FAM168A: variants seen among roughly 807,000 people sequenced by gnomAD.
The protein encoded by FAM168A is protein FAM168A.
FAM168A carries 3 observed loss-of-function variants against 28.5 expected under a neutral mutation model. The ratio of observed to expected loss-of-function variants is 0.11; its 90% CI spans 0.05 to 0.27. FAM168A has a LOEUF of 0.27. FAM168A is among the 10% of genes least tolerant of loss of function. The probability of loss-of-function intolerance (pLI) is 1.00; values close to 1 mark genes in which losing one functional copy is unlikely to be tolerated. For missense variants in FAM168A, 222 were observed against 311.5 expected, an observed-to-expected ratio of 0.71 and a Z score of 2.16; for synonymous variants, 122 against 124.2, an observed-to-expected ratio of 0.98 and a Z score of 0.12.
chr11:73,415,301 A>G (rs1327540982), intron 4 of FAM168A, among the ~76,000 whole-genome samples: 2 of 152,204 alleles, frequency 1.3e-5, no homozygotes, highest in Admixed American at 6.5e-5. Context: ...ATTAAGACCA[A>G]CGTAAACATT....
chr11:73,596,249 A>C (rs576445441), intron 1 of FAM168A, among the ~76,000 whole-genome samples: 3 of 152,344 alleles, frequency 2.0e-5, no homozygotes, highest in African/African-American at 7.2e-5. Flanking sequence ...AAATCTATTT[A>C]AATTTCAAAA....
chr11:73,449,149 T>C (rs1391955115), intron 2 of FAM168A, among the ~76,000 whole-genome samples: 2 of 152,164 alleles, frequency 1.3e-5, no homozygotes, highest in East Asian at 3.9e-4. Context: ...AAATTTTTTT[T>C]TGGAGAGCCA....
chr11:73,476,667 T>G (rs1299780693), intron 1 of FAM168A, among the ~76,000 whole-genome samples: 1 of 152,018 alleles, frequency 6.6e-6, no homozygotes, highest in African/African-American at 2.4e-5. Flanking sequence ...TCAAAGCAGC[T>G]ATTACAAATG....
At position 73,587,756 on chromosome 11, in the gene FAM168A, A is replaced by AT. The variant is rs965437094; in HGVS notation, c.-19+10166dup. On this transcript the variant is annotated intron_variant, in intron 1 of 7. Coordinates refer to ENST00000356467, the MANE Select transcript of FAM168A (RefSeq NM_015159.3). ...GAAAAATGGAATGTACATTTAAAGC[A>AT]TTTTTTTTTTTGAGATGGAGTCTAG... Among the ~76,000 whole-genome samples, 129 of 148,094 alleles carry AT rather than the reference A, an allele frequency of 8.7e-4. 1 individual carries two copies. The highest frequency in any genetic ancestry group is 2.0e-3 in the African/African-American group (80 of 40,614).
intron 1 of FAM168A, among the ~76,000 whole-genome samples, chr11:73,517,660 A>G (rs945891632): frequency 6.6e-6 from 1 of 152,168 alleles, no homozygotes; most frequent in Non-Finnish European, 1.5e-5. Context: ...AGGGAAAAAC[A>G]ATAACTCAGA....
chr11:73,528,648 C>A lies in FAM168A; in HGVS notation c.-18-60156G>T, dbSNP rs75931426. ...TTGCACTTAGGACTCGCCCTGAATTCTTTCTTGCGTGAGATCCAAGAACCG... is the reference window on the plus strand; with the variant it reads ...TTGCACTTAGGACTCGCCCTGAATTATTTCTTGCGTGAGATCCAAGAACCG... On this transcript the variant is annotated intron_variant, in intron 1 of 7. Coordinates refer to ENST00000356467, the MANE Select transcript of FAM168A (RefSeq NM_015159.3). Among the ~76,000 whole-genome samples, 1,294 of 152,238 alleles carry A rather than the reference C, an allele frequency of 8.5e-3. 28 individuals are homozygous for A. Among genetic ancestry groups the A allele is most frequent in the African/African-American group, 0.03 (1,241 of 41,518 alleles).
intron 1 of FAM168A, among the ~76,000 whole-genome samples, chr11:73,597,402 G>A (rs908277083): frequency 3.3e-5 from 5 of 151,422 alleles, no homozygotes; most frequent in Non-Finnish European, 7.4e-5. Context: ...CCTGCCCCAG[G>A]TCCACCCCAA....
intron 3 of FAM168A, chr11:73,420,973 T>C (rs927858967): frequency 6.6e-6 from 1 of 151,822 alleles, no homozygotes; most frequent in African/African-American, 2.4e-5. Context: ...TTCCTTATTA[T>C]AATTTCAAAC....
chr11:73,465,272 G>A (rs78206328), intron 2 of FAM168A, among the ~76,000 whole-genome samples: 2,298 of 148,996 alleles, frequency 0.015, 59 homozygotes, highest in African/African-American at 0.055. Flanking sequence ...GGTGATGCTT[G>A]GACACTGACA....
At chr11:73,468,360 T>C in intron 2 of FAM168A, 45 bp downstream of exon 2, 1 of 1,577,408 alleles carries the variant, frequency 6.3e-7, no homozygotes, top group Non-Finnish European at 8.7e-7. Context: ...GGTAATATCC[T>C]TAACCACCAT....
chr11:73,471,487 C>A (rs1433005253), intron 1 of FAM168A, among the ~76,000 whole-genome samples: 1 of 152,164 alleles, frequency 6.6e-6, no homozygotes, highest in Non-Finnish European at 1.5e-5. Flanking sequence ...TCACCACAAT[C>A]AAGATATAAA....
At position 73,436,301 on chromosome 11, in the gene FAM168A, G is replaced by A. The variant is rs552123371; in HGVS notation, c.71-5531C>T. Among the ~76,000 whole-genome samples, 104 of 152,248 alleles carry A rather than the reference G, an allele frequency of 6.8e-4. 2 individuals are homozygous for A. The South Asian group carries it at 0.021, about 30-fold the overall frequency. On this transcript the variant is annotated intron_variant, in intron 2 of 7. Coordinates refer to ENST00000356467, the MANE Select transcript of FAM168A (RefSeq NM_015159.3). The stretch of plus-strand genomic sequence containing the variant: ...AAATTACTTTCAACAGAAATCAGGG[G>A]ACTATTTCTGAAAATACTTTACCTT...
At position 73,424,954 on chromosome 11, in the gene FAM168A, A is replaced by G. The variant is rs989184125; in HGVS notation, c.152-4955T>C. On this transcript the variant is annotated intron_variant, in intron 3 of 7. Coordinates refer to ENST00000356467, the MANE Select transcript of FAM168A (RefSeq NM_015159.3). ...GGATTTGGGGAGGAGAGGAGAGGGG[A>G]TCTACCATTGTTACGAGAGAACACA... is the stretch of plus-strand genomic sequence containing the variant. The G allele has an allele frequency of 7.6e-6, 10 of 1,307,868 alleles. No homozygotes were observed. In the African/African-American group the frequency reaches 1.5e-4, roughly 19 times the overall value. The allele number at this position is 1,307,868 out of a possible 1,614,324, so 81.0% of individuals were successfully genotyped here.
At chr11:73,542,550 C>G (rs1269388704) in intron 1 of FAM168A, among the ~76,000 whole-genome samples, 1 of 152,214 alleles carries the variant, frequency 6.6e-6, no homozygotes, top group Admixed American at 6.5e-5. Context: ...ACTATTGTAA[C>G]AGCCCCTGCT....
At chr11:73,597,739 A>C (rs1397976709) in intron 1 of FAM168A, among the ~76,000 whole-genome samples, 184 bp downstream of exon 1, 165 of 33,550 alleles carry the variant, frequency 4.9e-3, no homozygotes, top group Middle Eastern at 0.015. Flanking sequence ...CTTGGGTCCC[A>C]CCCTCACCCC....
At chr11:73,521,347 G>C (rs1220937596) in intron 1 of FAM168A, among the ~76,000 whole-genome samples, 1 of 151,972 alleles carries the variant, frequency 6.6e-6, no homozygotes. Context: ...AGGGACAAGA[G>C]AGCTGAGACA....
chr11:73,555,842 T>C (rs1287397545), intron 1 of FAM168A, among the ~76,000 whole-genome samples: 1 of 152,180 alleles, frequency 6.6e-6, no homozygotes, highest in African/African-American at 2.4e-5. Flanking sequence ...GAGGGAACCA[T>C]TCTTATCAAC....
intron 2 of FAM168A, among the ~76,000 whole-genome samples, chr11:73,467,605 A>C (rs1440347030): frequency 6.6e-6 from 1 of 152,200 alleles, no homozygotes; most frequent in Admixed American, 6.5e-5. Flanking sequence ...TTCCTTCTCT[A>C]GTTTAGCAAC....
intron 3 of FAM168A, chr11:73,425,015 T>G: frequency 6.5e-7 from 1 of 1,527,522 alleles, no homozygotes. Flanking sequence ...AAAAATAGCT[T>G]TCCTACCATA....
Sources: allele counts gnomAD v4.1 joint callset (sites outside exome capture counted in the v4.1 genomes callset), GRCh38; gene constraint gnomAD v4.1.1; transcripts MANE v1.5; gene names NCBI Gene and HGNC (gene_info 2026-07-23, HGNC 2026-07-21).